Variants in CDH12 observed in about 807,000 individuals in gnomAD.
CDH12 encodes the protein cadherin-12.
A neutral mutation model predicts 74.1 loss-of-function variants in CDH12; 41 were observed. That is an observed-to-expected ratio of 0.55 (90% CI 0.43 to 0.72). The LOEUF is 0.72. Ranked by LOEUF, CDH12 falls within the 30% of genes least tolerant of loss-of-function variation. CDH12 has a pLI of 0.00. For synonymous variants in CDH12, 399 were observed against 355.0 expected, an observed-to-expected ratio of 1.12 and a Z score of -1.39; for missense variants, 945 against 977.2, an observed-to-expected ratio of 0.97 and a Z score of 0.44.
chr5:22,406,199 A>T (rs1223852480), intron 2 of CDH12, among the ~76,000 whole-genome samples: 1 of 152,168 alleles, frequency 6.6e-6, no homozygotes, highest in African/African-American at 2.4e-5. Flanking sequence ...AATCATTACA[A>T]CAACCTTCCT....
At chr5:22,822,757 A>G (rs930580680) in intron 1 of CDH12, among the ~76,000 whole-genome samples, 1 of 152,138 alleles carries the variant, frequency 6.6e-6, no homozygotes, top group African/African-American at 2.4e-5. Context: ...GGATGTGGAG[A>G]AATAGGAACA....
At chr5:21,968,854 T>C (rs1756704168) in intron 6 of CDH12, among the ~76,000 whole-genome samples, 2 of 152,060 alleles carry the variant, frequency 1.3e-5, no homozygotes, top group South Asian at 4.1e-4. Context: ...TGGAAGCCAT[T>C]ATCCTTAGCA....
intron 1 of CDH12, among the ~76,000 whole-genome samples, chr5:22,561,964 T>G (rs377245): frequency 0.61 from 92,083 of 152,028 alleles, 28,233 homozygotes; most frequent in East Asian, 0.82. Flanking sequence ...AAGGAAATAC[T>G]GTGTTCCACA....
intron 1 of CDH12, among the ~76,000 whole-genome samples, chr5:22,601,377 A>G (rs1482429807): frequency 1.4e-5 from 2 of 143,584 alleles, no homozygotes; most frequent in African/African-American, 5.3e-5. Context: ...GACACATAGA[A>G]GGAACAACAG....
chr5:22,738,249 C>A (rs1367258614), intron 1 of CDH12, among the ~76,000 whole-genome samples: 1 of 152,034 alleles, frequency 6.6e-6, no homozygotes, highest in Non-Finnish European at 1.5e-5. Context: ...ATTTAGGAAT[C>A]ATAAAGTCTA....
intron 7 of CDH12, among the ~76,000 whole-genome samples, chr5:21,844,986 A>G (rs957453729): frequency 1.5e-5 from 2 of 133,326 alleles, no homozygotes; most frequent in African/African-American, 2.9e-5. Flanking sequence ...ATTACCTGAG[A>G]CTACTGAGGT....
chr5:22,054,881 T>C (rs1184326514), intron 5 of CDH12, among the ~76,000 whole-genome samples: 2 of 152,278 alleles, frequency 1.3e-5, no homozygotes, highest in South Asian at 2.1e-4. Context: ...AATTCCACAA[T>C]GGGCATATCC....
At chr5:21,779,280 G>A (rs1321089650) in intron 11 of CDH12, 1 of 151,806 alleles carries the variant, frequency 6.6e-6, no homozygotes, top group Non-Finnish European at 1.5e-5. Context: ...TGCTCAGACT[G>A]GTCTTGAACT....
intron 2 of CDH12, among the ~76,000 whole-genome samples, chr5:22,483,438 A>G (rs1369896792): frequency 6.6e-6 from 1 of 151,930 alleles, no homozygotes; most frequent in Admixed American, 6.6e-5. Context: ...GCAAACATGA[A>G]GATGATTTCC....
intron 2 of CDH12, among the ~76,000 whole-genome samples, chr5:22,493,900 A>G (rs1430284236): frequency 2.0e-5 from 3 of 152,124 alleles, no homozygotes; most frequent in African/African-American, 7.2e-5. Flanking sequence ...GATGGTCAAA[A>G]CAAAAGGAAT....
At chr5:22,060,918 C>G (rs1469520139) in intron 5 of CDH12, among the ~76,000 whole-genome samples, 1 of 152,130 alleles carries the variant, frequency 6.6e-6, no homozygotes, top group East Asian at 1.9e-4. Flanking sequence ...TTAGGCCTAT[C>G]TATCTGCTTT....
At chr5:22,252,494 A>C (rs989064200) in intron 3 of CDH12, among the ~76,000 whole-genome samples, 2 of 151,986 alleles carry the variant, frequency 1.3e-5, no homozygotes, top group East Asian at 3.9e-4. Flanking sequence ...CCTCTTCCCA[A>C]ATTTTTATGG....
intron 4 of CDH12, among the ~76,000 whole-genome samples, chr5:22,171,404 T>C (rs1749021854): frequency 1.3e-5 from 2 of 151,926 alleles, no homozygotes; most frequent in African/African-American, 2.4e-5. Context: ...GACTGCTCCA[T>C]AGTTATGAGG....
chr5:22,304,747 A>G (rs1738031035), intron 3 of CDH12, among the ~76,000 whole-genome samples: 1 of 152,210 alleles, frequency 6.6e-6, no homozygotes, highest in Non-Finnish European at 1.5e-5. Context: ...GTGTGTGTAG[A>G]AAGTCCATGA....
At chr5:21,831,577 C>T (rs1749025498) in intron 8 of CDH12, among the ~76,000 whole-genome samples, 1 of 152,000 alleles carries the variant, frequency 6.6e-6, no homozygotes, top group Non-Finnish European at 1.5e-5. Flanking sequence ...GAAAAGCAGG[C>T]TAAGGACTTG....
intron 3 of CDH12, among the ~76,000 whole-genome samples, chr5:22,300,433 C>G (rs1447706896): frequency 6.6e-6 from 1 of 152,150 alleles, no homozygotes; most frequent in Non-Finnish European, 1.5e-5. Flanking sequence ...AATTATATTT[C>G]CCCTTAAATC....
chr5:22,789,384 T>G (rs1464243844), intron 1 of CDH12, among the ~76,000 whole-genome samples: 1 of 151,948 alleles, frequency 6.6e-6, no homozygotes, highest in African/African-American at 2.4e-5. Flanking sequence ...ATGATATAAT[T>G]GCACATACCC....
At chr5:22,088,170 C>T (rs1358608459) in intron 4 of CDH12, among the ~76,000 whole-genome samples, 1 of 152,198 alleles carries the variant, frequency 6.6e-6, no homozygotes, top group Non-Finnish European at 1.5e-5. Context: ...AGCAAGTTCA[C>T]TGAGACAATT....
chr5:21,873,799 C>T (rs1472786304), intron 6 of CDH12, among the ~76,000 whole-genome samples: 1 of 151,862 alleles, frequency 6.6e-6, no homozygotes, highest in African/African-American at 2.4e-5. Flanking sequence ...CACCCTCCCC[C>T]AACAGGCCCC....
Sources: allele counts gnomAD v4.1 joint callset (sites outside exome capture counted in the v4.1 genomes callset), GRCh38; gene constraint gnomAD v4.1.1; transcripts MANE v1.5; gene names NCBI Gene and HGNC (gene_info 2026-07-23, HGNC 2026-07-21).